TRIM14: variants seen among roughly 807,000 people sequenced by gnomAD.
TRIM14 encodes the protein tripartite motif-containing protein 14.
TRIM14 carries 28 observed loss-of-function variants against 44.5 expected under a neutral mutation model. The ratio of observed to expected loss-of-function variants is 0.63; its 90% CI spans 0.47 to 0.86. The LOEUF is 0.86. TRIM14 is among the 40% of genes least tolerant of loss of function. The pLI is 0.00. For synonymous variants in TRIM14, 299 were observed against 269.2 expected, an observed-to-expected ratio of 1.11 and a Z score of -1.08; for missense variants, 607 against 611.1, an observed-to-expected ratio of 0.99 and a Z score of 0.07.
intron 6 of TRIM14, chr9:98,076,536 G>A (rs1224063832): frequency 2.1e-5 from 4 of 192,212 alleles, no homozygotes; most frequent in South Asian, 8.6e-5. Flanking sequence ...CACCACACCC[G>A]GCTAATTTTT....
At chr9:98,035,798 A>C in the TRIM14 span, among the ~76,000 whole-genome samples, 2 of 152,222 alleles carry the variant, frequency 1.3e-5, no homozygotes, top group Admixed American at 1.3e-4. Context: ...GGTTCACCCA[A>C]GGGGCAGAAT....
chr9:98,087,510 C>G lies in TRIM14; in HGVS notation c.1289G>C (p.Arg430Pro). 6.3e-7 allele frequency: 1 copy of G among 1,599,574 alleles called. No homozygotes were observed. Among genetic ancestry groups the G allele is most frequent in the Non-Finnish European group, 8.5e-7 (1 of 1,173,452 alleles). The stretch of plus-strand genomic sequence containing the variant: ...GATGCTGATGGCCCCCTCCCAGAGC[C>G]GCAGGGCCGGGTAGAGCGGCTCCTG... ...TFQEPLYPAL[R>P]LWEGAISIPR... Residue 430 changes from arginine (R) to proline (P), a missense_variant, in exon 6 of 6, where the codon CGG becomes CCG. Transcript: ENST00000341469.
chr9:98,090,861 G>GACA (rs1825969812), intron 5 of TRIM14, among the ~76,000 whole-genome samples: 1 of 152,164 alleles, frequency 6.6e-6, no homozygotes, highest in African/African-American at 2.4e-5. Flanking sequence ...ACCGTGCTCG[G>GACA]CCTTTAAATC....
At chr9:98,055,478 G>A in the TRIM14 span, among the ~76,000 whole-genome samples, 1 of 152,160 alleles carries the variant, frequency 6.6e-6, no homozygotes, top group East Asian at 1.9e-4. Flanking sequence ...AGATGAACCA[G>A]TTTATCAATC....
chr9:98,080,032 G>A (rs146434723), downstream of TRIM14, among the ~76,000 whole-genome samples: 1,298 of 152,268 alleles, frequency 8.5e-3, 14 homozygotes, highest in African/African-American at 0.03. Flanking sequence ...TGGCCAATGT[G>A]GCGAAACCCT....
the TRIM14 span, among the ~76,000 whole-genome samples, chr9:98,050,025 A>T: frequency 6.6e-6 from 1 of 152,224 alleles, no homozygotes; most frequent in Non-Finnish European, 1.5e-5. Flanking sequence ...CAGGAAAAGG[A>T]AAGTGAAGTA....
downstream of TRIM14, chr9:98,080,686 C>T (rs775389397): frequency 4.0e-6 from 4 of 989,328 alleles, no homozygotes; most frequent in Non-Finnish European, 5.8e-6. Context: ...CTCAGAGAGC[C>T]TCAGTATCTT....
intron 2 of TRIM14, among the ~76,000 whole-genome samples, chr9:98,104,144 C>T (rs552234415): frequency 6.6e-6 from 1 of 152,316 alleles, no homozygotes; most frequent in African/African-American, 2.4e-5. Context: ...TAGCTTTAAG[C>T]TAGCCTGGGA....
the TRIM14 span, chr9:98,061,254 ATCAC>A: frequency 4.5e-6 from 2 of 445,832 alleles, no homozygotes; most frequent in South Asian, 5.0e-5. Context: ...AGGGGGATGG[ATCAC>A]CTGAGGTCAG....
At chr9:98,082,987 A>T, downstream of TRIM14, 1 of 1,614,224 alleles carries the variant, frequency 6.2e-7, no homozygotes, top group Non-Finnish European at 8.5e-7. Context: ...GGTCCTGGTC[A>T]CTGTTGAAGA....
Position 98,085,641 on chromosome 9 carries a change from C to T in TRIM14, c.*1829G>A, listed in dbSNP as rs1825746740. The T allele has an allele frequency of 6.6e-6, 1 of 152,040 alleles. No homozygotes were observed. The highest frequency in any genetic ancestry group is 1.9e-4 in the East Asian group (1 of 5,188). The allele number at this position is 152,040 out of a possible 1,614,324, so 9.4% of individuals were successfully genotyped here. On this transcript the variant is annotated 3_prime_UTR_variant, in exon 6 of 6. Transcript: ENST00000341469. Reference sequence around the variant, plus strand: ...GGCCATTCCTAATAGAATTAATTTCCCCTTTTTCTCAGGATTCCTGCAGCA... The same window carrying T: ...GGCCATTCCTAATAGAATTAATTTCTCCTTTTTCTCAGGATTCCTGCAGCA...
chr9:98,108,006 C>A (rs1226153363), intron 2 of TRIM14, among the ~76,000 whole-genome samples: 1 of 151,464 alleles, frequency 6.6e-6, no homozygotes, highest in Non-Finnish European at 1.5e-5. Context: ...GAATAGCCTG[C>A]ATTTTGATTG....
downstream of TRIM14, among the ~76,000 whole-genome samples, chr9:98,068,422 A>G (rs1462891187): frequency 6.6e-6 from 1 of 151,572 alleles, no homozygotes; most frequent in Non-Finnish European, 1.5e-5. Context: ...TACAGGTGTC[A>G]GCCACCTCAC....
intron 4 of TRIM14, among the ~76,000 whole-genome samples, chr9:98,092,980 C>T (rs1826053066): frequency 6.6e-6 from 1 of 152,182 alleles, no homozygotes. Context: ...GTTCTTTCAT[C>T]AAGGCAAAAG....
At chr9:98,078,482 A>C in intron 6 of TRIM14, 2 of 1,194,138 alleles carry the variant, frequency 1.7e-6, no homozygotes, top group South Asian at 1.5e-5. Context: ...GCTGTTACCA[A>C]ATCAAATTCG....
Position 98,119,009 on chromosome 9 carries a change from C to T in TRIM14, c.180G>A (p.Leu60=). The change falls in exon 1 of 6, where the codon CTG becomes CTA. Residue 60 remains leucine (L), a synonymous_variant. Transcript: ENST00000341469. Reference sequence around the variant, plus strand: ...GCACGTGCACCGCTGCCTCCAGCGCCAGGCCCACAGGGTGGCCACGGTGCG... The same window carrying T: ...GCACGTGCACCGCTGCCTCCAGCGCTAGGCCCACAGGGTGGCCACGGTGCG... The part of the protein sequence containing the change: ...LGAHRGHPVG[L]ALEAAVHVQK... 1 of 1,562,902 alleles carries T rather than the reference C, an allele frequency of 6.4e-7. No individual in the cohort carries two copies. Among genetic ancestry groups the T allele is most frequent in the Non-Finnish European group, 8.6e-7 (1 of 1,163,852 alleles).
At chr9:98,090,675 T>G (rs1160086728) in intron 5 of TRIM14, among the ~76,000 whole-genome samples, 1 of 151,628 alleles carries the variant, frequency 6.6e-6, no homozygotes, top group Non-Finnish European at 1.5e-5. Flanking sequence ...GCGATTCTCC[T>G]GCCTCAGTCT....
At chr9:98,073,521 G>A (rs2117878167) in intron 6 of TRIM14, among the ~76,000 whole-genome samples, 1 of 150,986 alleles carries the variant, frequency 6.6e-6, no homozygotes, top group East Asian at 2.0e-4. Context: ...CTGACCTCGT[G>A]ATCTGCCCGC....
the TRIM14 span, among the ~76,000 whole-genome samples, chr9:98,044,605 C>T: frequency 6.6e-6 from 1 of 151,986 alleles, no homozygotes; most frequent in Non-Finnish European, 1.5e-5. Context: ...ATCTCCTGAC[C>T]TCGTGATCTG....
Sources: gnomAD v4.1 joint callset for allele counts (sites outside exome capture counted in the v4.1 genomes callset) on GRCh38, gnomAD v4.1.1 for gene constraint, MANE v1.5 for transcripts, NCBI Gene and HGNC (gene_info 2026-07-23, HGNC 2026-07-21) for gene names.